Variants in SCAF4 observed in about 807,000 individuals in gnomAD.
The protein encoded by SCAF4 is SR-related and CTD-associated factor 4.
In SCAF4, 25 loss-of-function variants were observed where a neutral mutation model predicts 129.8. The ratio of observed to expected loss-of-function variants is 0.19; its 90% CI spans 0.14 to 0.27. The LOEUF is 0.27. Ranked by LOEUF, SCAF4 falls within the 10% of genes least tolerant of loss-of-function variation. The pLI is 1.00. For synonymous variants in SCAF4, 551 were observed against 497.7 expected (o/e 1.11, Z -1.43); for missense variants, 1,246 against 1,457.1 (o/e 0.86, Z 2.36).
intron 1 of SCAF4, among the ~76,000 whole-genome samples, chr21:31,723,612 G>A (rs868704656): frequency 2.2e-5 from 3 of 135,148 alleles, no homozygotes; most frequent in Admixed American, 7.7e-5. Flanking sequence ...TTTATATGAT[G>A]TGTGTGTGTG....
chr21:31,728,951 AT>A (rs2123703428), intron 1 of SCAF4, among the ~76,000 whole-genome samples: 1 of 152,324 alleles, frequency 6.6e-6, no homozygotes, highest in South Asian at 2.1e-4. Context: ...AAAGGTGCTT[AT>A]AAACCTATCA....
chr21:31,679,775 CCTT>C (rs1161338574), intron 19 of SCAF4, among the ~76,000 whole-genome samples: 4 of 152,182 alleles, frequency 2.6e-5, no homozygotes, highest in South Asian at 2.1e-4. Flanking sequence ...AGAATGATTA[CCTT>C]TTTTAAATGC....
At chr21:31,708,682 G>T (rs1479389358) in intron 1 of SCAF4, among the ~76,000 whole-genome samples, 1 of 151,880 alleles carries the variant, frequency 6.6e-6, no homozygotes, top group East Asian at 1.9e-4. Flanking sequence ...TTAATTCTTG[G>T]GTTGTCTCCA....
chr21:31,695,041 G>C (rs2050351913), intron 9 of SCAF4, 61 bp from the exon 10 acceptor site: 1 of 1,431,846 alleles, frequency 7.0e-7, no homozygotes, highest in Non-Finnish European at 9.6e-7. Context: ...AAAACCTTTA[G>C]TTATATAAAA....
intron 7 of SCAF4, among the ~76,000 whole-genome samples, chr21:31,697,455 T>C (rs770960771): frequency 6.6e-6 from 1 of 152,170 alleles, no homozygotes; most frequent in Non-Finnish European, 1.5e-5. Context: ...ACAAGAACAC[T>C]GCAATGTAGA....
At chr21:31,683,241 T>G (rs1024660783) in intron 19 of SCAF4, among the ~76,000 whole-genome samples, 1 of 152,192 alleles carries the variant, frequency 6.6e-6, no homozygotes, top group South Asian at 2.1e-4. Context: ...AAGATGGACA[T>G]GCAAACAGTA....
intron 1 of SCAF4, among the ~76,000 whole-genome samples, chr21:31,707,778 C>T (rs1259134698): frequency 6.6e-6 from 1 of 152,178 alleles, no homozygotes; most frequent in Non-Finnish European, 1.5e-5. Context: ...AACAGCCCCA[C>T]CTAGCAGTGT....
At chr21:31,700,171 T>C (rs1316655374) in intron 7 of SCAF4, among the ~76,000 whole-genome samples, 2 of 138,538 alleles carry the variant, frequency 1.4e-5, no homozygotes, top group African/African-American at 5.2e-5. Flanking sequence ...AAGGTTAAAA[T>C]ACACACACAC....
intron 1 of SCAF4, among the ~76,000 whole-genome samples, chr21:31,722,934 C>A (rs546925499): frequency 9.2e-5 from 14 of 152,136 alleles, no homozygotes; most frequent in African/African-American, 3.4e-4. Flanking sequence ...GCCTGGGTGA[C>A]AGAGCAAGAC....
chr21:31,671,502 G>C lies in SCAF4; in HGVS notation c.3341C>G (p.Ser1114Cys), dbSNP rs184288417. ...AGAAGGCTTTAGGACTGCAGCCTCA[G>C]ACACCCCCTTCTCAAGTTCTGAAGC... ...DTASELEKGV[S>C]EAAVLKPSEE... The change falls in exon 20 of 20, where the codon TCT (serine) becomes TGT (cysteine). Residue 1114 changes from serine (S) to cysteine (C), a missense_variant. Coordinates refer to ENST00000286835, the MANE Select transcript of SCAF4 (RefSeq NM_020706.2). 1.0e-3 allele frequency: 1,685 copies of C among 1,614,178 alleles called. 15 individuals carry two copies. Among genetic ancestry groups the C allele is most frequent in the East Asian group, 1.0e-3 (45 of 44,878 alleles).
rs552269756 is a variant in SCAF4 at position 31,709,393 on chromosome 21, A to G, written c.31-3036T>C. 2.6e-5 allele frequency among the ~76,000 whole-genome samples: 4 copies of G among 152,132 alleles called. No individual in the cohort carries two copies. The South Asian group carries it at 8.3e-4, about 32-fold the overall frequency. ...AGAAAGAAAGAAAGAAATGAGCAACAGTAAGAACTACTTCTCTGGTCATTA... is the reference window on the plus strand; with the variant it reads ...AGAAAGAAAGAAAGAAATGAGCAACGGTAAGAACTACTTCTCTGGTCATTA... On this transcript the variant is annotated intron_variant, in intron 1 of 19. Coordinates refer to ENST00000286835, the MANE Select transcript of SCAF4 (RefSeq NM_020706.2).
intron 1 of SCAF4, among the ~76,000 whole-genome samples, chr21:31,711,684 A>G (rs141032491): frequency 5.3e-5 from 8 of 152,330 alleles, no homozygotes; most frequent in African/African-American, 1.9e-4. Context: ...GCCCAGAAGA[A>G]TAGTGTACAG....
Position 31,672,105 on chromosome 21 carries a change from C to A in SCAF4, c.2738G>T (p.Gly913Val). The part of the protein sequence containing the change: ...HGMKGPFPPH[G>V]PFVRPGGMPG... ...CATTCCACCAGGCCTAACAAAGGGG[C>A]CATGCGGTGGGAAGGGACCTTTCAT... Residue 913 changes from glycine (G) to valine (V), a missense_variant, in exon 20 of 20, where the codon GGC (glycine) becomes GTC (valine). Gly to Val is a moderately radical substitution (Grantham distance 109). This residue lies in a region of SCAF4 where 339 missense variants were observed against 325.0 expected (regional missense o/e 1.04). Transcript: ENST00000286835. 1 of 1,612,698 alleles carries A rather than the reference C, an allele frequency of 6.2e-7. No homozygotes were observed. Among genetic ancestry groups the A allele is most frequent in the Non-Finnish European group, 8.5e-7 (1 of 1,178,846 alleles).
In SCAF4 at chr21:31,672,053, GCCTGGC is replaced by G; in HGVS notation, c.2784_2789del (p.Pro931_Gly932del). On this transcript the variant is annotated inframe_deletion, in exon 20 of 20. Transcript: ENST00000286835. ...CGTCTCTGTCTTCAGGACCCCCTGG[GCCTGGC>G]CCTGGGCCCCCGAGCCCTGGCATTC... The G allele has an allele frequency of 6.2e-7, 1 of 1,613,246 alleles. No individual in the cohort carries two copies. Among genetic ancestry groups the G allele is most frequent in the South Asian group, 1.1e-5 (1 of 91,052 alleles).
intron 1 of SCAF4, among the ~76,000 whole-genome samples, chr21:31,726,291 C>G (rs566951372): frequency 6.6e-6 from 1 of 152,120 alleles, no homozygotes; most frequent in Non-Finnish European, 1.5e-5. Flanking sequence ...GTCATCTGCC[C>G]GCCTCGGCCT....
chr21:31,731,696 C>A lies in SCAF4; in HGVS notation c.-4G>T. The A allele has an allele frequency of 6.3e-7, 1 of 1,582,400 alleles. No individual in the cohort carries two copies. ...TGAAGGCGTTGACGGCGTCCATGTT[C>A]GCGCTGCGGCGGCGGCTGCTCCGGG... is the stretch of plus-strand genomic sequence containing the variant. On this transcript the variant is annotated 5_prime_UTR_variant, in exon 1 of 20. Transcript: ENST00000286835.
intron 1 of SCAF4, among the ~76,000 whole-genome samples, chr21:31,709,446 C>A (rs1175724382): frequency 2.0e-5 from 3 of 151,890 alleles, no homozygotes; most frequent in African/African-American, 7.3e-5. Context: ...TTAAGGAAAC[C>A]TAAGCCAGAG....
At chr21:31,728,414 C>A (rs1307176338) in intron 1 of SCAF4, among the ~76,000 whole-genome samples, 1 of 152,132 alleles carries the variant, frequency 6.6e-6, no homozygotes, top group African/African-American at 2.4e-5. Context: ...CAACCCTAAA[C>A]CTCAAATCCT....
intron 1 of SCAF4, among the ~76,000 whole-genome samples, chr21:31,725,782 A>C (rs1467095075): frequency 6.6e-6 from 1 of 152,228 alleles, no homozygotes; most frequent in African/African-American, 2.4e-5. Flanking sequence ...TGAATGAAAA[A>C]GTGGAATGAG....
Sources: allele counts gnomAD v4.1 joint callset (sites outside exome capture counted in the v4.1 genomes callset), GRCh38; gene constraint gnomAD v4.1.1; regional missense constraint gnomAD v4.1.1; transcripts MANE v1.5; gene names NCBI Gene and HGNC (gene_info 2026-07-23, HGNC 2026-07-21).